EPB41L3: variants seen among roughly 807,000 people sequenced by gnomAD.
EPB41L3 encodes the protein band 4.1-like protein 3.
Under a neutral mutation model 127.1 loss-of-function variants are expected in EPB41L3, and 57 were observed. The observed-to-expected ratio is 0.45, with a 90% confidence interval of 0.36 to 0.56. The LOEUF is 0.56. EPB41L3 is among the 20% of genes least tolerant of loss of function. EPB41L3 has a pLI of 0.00. For missense variants in EPB41L3, 1,273 were observed against 1,372.2 expected, an observed-to-expected ratio of 0.93 and a Z score of 1.14; for synonymous variants, 572 against 549.5, an observed-to-expected ratio of 1.04 and a Z score of -0.57.
At chr18:5,544,920 T>A (rs1022131850), upstream of EPB41L3, among the ~76,000 whole-genome samples, 1 of 152,178 alleles carries the variant, frequency 6.6e-6, no homozygotes, top group South Asian at 2.1e-4. Flanking sequence ...ATACATACTA[T>A]GTACCCACAA....
At chr18:5,524,543 T>C (rs1057469108) in intron 1 of EPB41L3, among the ~76,000 whole-genome samples, 1 of 152,172 alleles carries the variant, frequency 6.6e-6, no homozygotes. Flanking sequence ...TTTCCTACTA[T>C]AATATAAACA....
At chr18:5,435,559 G>A (rs2079647607) in intron 6 of EPB41L3, among the ~76,000 whole-genome samples, 1 of 152,098 alleles carries the variant, frequency 6.6e-6, no homozygotes. Flanking sequence ...AGGAGCCATG[G>A]GCTTTATCCT....
chr18:5,407,828 T>C, intron 14 of EPB41L3, 92 bp from the exon 15 acceptor site: 1 of 1,229,178 alleles, frequency 8.1e-7, no homozygotes, highest in East Asian at 2.3e-5. Flanking sequence ...TTGCTAAATG[T>C]GGGCACGTGT....
intron 14 of EPB41L3, 22 bp from the exon 15 acceptor site, chr18:5,407,758 G>C: frequency 6.2e-7 from 1 of 1,612,756 alleles, no homozygotes; most frequent in Non-Finnish European, 8.5e-7. Flanking sequence ...AAGAAAGAGT[G>C]GGAAATAAAG....
chr18:5,582,236 A>C (rs578028941), intron 3 of EPB41L3, among the ~76,000 whole-genome samples: 5 of 152,266 alleles, frequency 3.3e-5, no homozygotes, highest in Admixed American at 2.0e-4. Flanking sequence ...TATCTTGGGA[A>C]ATGCAGTGAG....
chr18:5,583,059 A>G (rs1599109655), intron 3 of EPB41L3, among the ~76,000 whole-genome samples: 1 of 152,334 alleles, frequency 6.6e-6, no homozygotes, highest in East Asian at 1.9e-4. Flanking sequence ...CGTTGGAAAG[A>G]TTCTGGAATT....
At chr18:5,573,145 T>C (rs1222830901) in intron 3 of EPB41L3, among the ~76,000 whole-genome samples, 2 of 152,176 alleles carry the variant, frequency 1.3e-5, no homozygotes, top group African/African-American at 4.8e-5. Flanking sequence ...ACATTTAAAA[T>C]CCTGACACAT....
At position 5,443,798 on chromosome 18, in the gene EPB41L3, A is replaced by G. The variant is rs770019420; in HGVS notation, c.529+40T>C. ...AATTCAGACAACTTGCTCTCTGAAAACCTTCACATTTCCACAAAAAATAAT... is the reference window on the plus strand; with the variant it reads ...AATTCAGACAACTTGCTCTCTGAAAGCCTTCACATTTCCACAAAAAATAAT... On this transcript the variant is annotated intron_variant, in intron 5 of 22. Coordinates refer to ENST00000341928, the MANE Select transcript of EPB41L3 (RefSeq NM_012307.5). 1.9e-6 allele frequency: 3 copies of G among 1,573,036 alleles called. No individual in the cohort carries two copies. In the South Asian group the frequency reaches 3.4e-5, roughly 18 times the overall value.
chr18:5,629,301 C>G (rs1333243858), upstream of EPB41L3, among the ~76,000 whole-genome samples: 1 of 151,916 alleles, frequency 6.6e-6, no homozygotes, highest in African/African-American at 2.4e-5. Context: ...TGCCGGGGTG[C>G]AGCTGCGCGC....
chr18:5,419,978 C>A lies in EPB41L3; in HGVS notation c.1340-101G>T. The stretch of plus-strand genomic sequence containing the variant: ...GAAATAAAATCCAAAATAGTTAGGT[C>A]AGAAGACACATGAACAATACCAACT... On this transcript the variant is annotated intron_variant, in intron 11 of 22. Coordinates refer to ENST00000341928, the MANE Select transcript of EPB41L3 (RefSeq NM_012307.5). 4 of 1,593,320 alleles carry A rather than the reference C, an allele frequency of 2.5e-6. No homozygotes were observed. In the South Asian group the frequency reaches 3.4e-5, roughly 14 times the overall value.
intron 3 of EPB41L3, among the ~76,000 whole-genome samples, chr18:5,465,871 A>C (rs2084866018): frequency 6.6e-6 from 1 of 152,048 alleles, no homozygotes; most frequent in South Asian, 2.1e-4. Flanking sequence ...ATTCCTGTAG[A>C]TATTCAGATA....
At chr18:5,507,443 G>A (rs1056964922) in intron 1 of EPB41L3, among the ~76,000 whole-genome samples, 2 of 149,742 alleles carry the variant, frequency 1.3e-5, no homozygotes, top group Non-Finnish European at 3.0e-5. Context: ...GTTGCCAATT[G>A]GTATCAGTCA....
chr18:5,495,597 G>A (rs1419997852), intron 1 of EPB41L3, among the ~76,000 whole-genome samples: 2 of 145,028 alleles, frequency 1.4e-5, no homozygotes, highest in Non-Finnish European at 3.0e-5. Context: ...AAGAACACTT[G>A]TCTGATTAAA....
chr18:5,510,577 C>T (rs1034975962), intron 1 of EPB41L3, among the ~76,000 whole-genome samples: 1 of 152,208 alleles, frequency 6.6e-6, no homozygotes, highest in Non-Finnish European at 1.5e-5. Flanking sequence ...TGTATGGGAA[C>T]CACAAATGTG....
chr18:5,455,503 A>T (rs1172470181), intron 3 of EPB41L3, among the ~76,000 whole-genome samples: 1 of 152,198 alleles, frequency 6.6e-6, no homozygotes, highest in Non-Finnish European at 1.5e-5. Flanking sequence ...TGGGCTGTTC[A>T]CATGCAGTAG....
intron 1 of EPB41L3, among the ~76,000 whole-genome samples, chr18:5,514,719 G>C (rs1176466670): frequency 1.3e-5 from 2 of 152,022 alleles, no homozygotes; most frequent in Non-Finnish European, 2.9e-5. Flanking sequence ...CGCTTCCTTG[G>C]TATTACTTGG....
At chr18:5,419,139 C>A (rs2280568) in intron 12 of EPB41L3, among the ~76,000 whole-genome samples, 121,243 of 152,186 alleles carry the variant, frequency 0.8, 48,760 homozygotes, top group East Asian at 0.97. Context: ...TTAATGAATT[C>A]AACACTGAAA....
rs370004609 is a variant in EPB41L3 at position 5,489,123 on chromosome 18, C to T, written c.61G>A (p.Glu21Lys). The stretch of plus-strand genomic sequence containing the variant: ...GCGCGCCCCTGCGCCCCCGCCGCCT[C>T]CTGGGGCTCGGCCTCCTGGTCCGGC... Reference protein sequence around the residue: ...SKPDQEAEPQEAAGAQGRAGA... With the variant: ...SKPDQEAEPQKAAGAQGRAGA... Residue 21 changes from glutamate (E) to lysine (K), a missense_variant, in exon 2 of 23, where the codon GAG becomes AAG. Coordinates refer to ENST00000341928, the MANE Select transcript of EPB41L3 (RefSeq NM_012307.5). The T allele has an allele frequency of 9.2e-5, 146 of 1,594,846 alleles. No individual in the cohort carries two copies. Among genetic ancestry groups the T allele is most frequent in the Admixed American group, 2.2e-4 (12 of 55,370 alleles).
At chr18:5,499,829 G>GTGTGTATATATATATATATATATA (rs563662904) in intron 1 of EPB41L3, among the ~76,000 whole-genome samples, 33 of 124,656 alleles carry the variant, frequency 2.6e-4, no homozygotes, top group South Asian at 7.6e-4. Flanking sequence ...CTATGTGTGT[G>GTGTGTATATATATATATATATATA]TATATATATA....
Sources: allele counts gnomAD v4.1 joint callset (sites outside exome capture counted in the v4.1 genomes callset), GRCh38; gene constraint gnomAD v4.1.1; transcripts MANE v1.5; gene names NCBI Gene and HGNC (gene_info 2026-07-23, HGNC 2026-07-21).